HLCS: variants seen among roughly 807,000 people sequenced by gnomAD.
HLCS encodes the protein biotin--protein ligase.
HLCS carries 53 observed loss-of-function variants against 75.0 expected under a neutral mutation model. The ratio of observed to expected loss-of-function variants is 0.71; its 90% confidence interval spans 0.57 to 0.89. The LOEUF is 0.89. Ranked by LOEUF, HLCS falls within the 40% of genes least tolerant of loss-of-function variation. HLCS has a pLI of 0.00. For missense variants in HLCS, 966 were observed against 1,074.0 expected (o/e 0.90, Z 1.41); for synonymous variants, 431 against 428.6 (o/e 1.01, Z -0.07).
chr21:36,796,364 T>C (rs1680369178), intron 6 of HLCS, among the ~76,000 whole-genome samples: 1 of 152,206 alleles, frequency 6.6e-6, no homozygotes, highest in African/African-American at 2.4e-5. Flanking sequence ...ATTTTCTGAA[T>C]AGATGCAGAA....
At chr21:36,921,282 T>C (rs1308304901) in intron 5 of HLCS, among the ~76,000 whole-genome samples, 2 of 152,050 alleles carry the variant, frequency 1.3e-5, no homozygotes, top group Non-Finnish European at 2.9e-5. Context: ...CCGTCTCTAC[T>C]AAAAATACAA....
chr21:36,831,562 A>C (rs968418000), intron 6 of HLCS, among the ~76,000 whole-genome samples: 11 of 152,156 alleles, frequency 7.2e-5, no homozygotes, highest in African/African-American at 2.7e-4. Flanking sequence ...ATGCACCTGT[A>C]GTCCCAGCTA....
chr21:36,827,955 A>G (rs1035423395), intron 6 of HLCS, among the ~76,000 whole-genome samples: 4 of 151,702 alleles, frequency 2.6e-5, no homozygotes, highest in Non-Finnish European at 5.9e-5. Flanking sequence ...CTGGGACTAC[A>G]GGCTCCCGCC....
chr21:36,979,768 G>C (rs2069056193), intron 1 of HLCS, among the ~76,000 whole-genome samples: 1 of 151,832 alleles, frequency 6.6e-6, no homozygotes, highest in African/African-American at 2.4e-5. Context: ...TTAAAAATTA[G>C]CCAGGCGGCC....
At chr21:36,852,348 T>TGG (rs1569101898) in intron 6 of HLCS, among the ~76,000 whole-genome samples, 4 of 151,758 alleles carry the variant, frequency 2.6e-5, no homozygotes, top group African/African-American at 7.3e-5. Flanking sequence ...AACATTACCA[T>TGG]GGAGCCCCTC....
chr21:36,915,687 C>T (rs1316113996), intron 5 of HLCS, among the ~76,000 whole-genome samples: 1 of 151,976 alleles, frequency 6.6e-6, no homozygotes, highest in East Asian at 1.9e-4. Flanking sequence ...CAAAACAATT[C>T]CAACTTTTCC....
chr21:36,892,461 C>A (rs376223955), intron 6 of HLCS, among the ~76,000 whole-genome samples: 3 of 152,188 alleles, frequency 2.0e-5, no homozygotes, highest in African/African-American at 7.2e-5. Flanking sequence ...GCAGAGAGCT[C>A]GTCTGTTTCA....
intron 2 of HLCS, among the ~76,000 whole-genome samples, chr21:36,956,182 C>A (rs1328077952): frequency 2.0e-5 from 3 of 151,794 alleles, no homozygotes; most frequent in Non-Finnish European, 4.4e-5. Flanking sequence ...ACTTAAAAAT[C>A]TAAAAAGAAA....
chr21:36,986,224 G>A (rs2069226440), intron 1 of HLCS, among the ~76,000 whole-genome samples: 1 of 152,150 alleles, frequency 6.6e-6, no homozygotes, highest in Admixed American at 6.5e-5. Context: ...GATGCAGCCA[G>A]AAGGCCCTCA....
intron 8 of HLCS, among the ~76,000 whole-genome samples, chr21:36,763,687 C>T (rs1336428715): frequency 6.6e-6 from 1 of 152,178 alleles, no homozygotes; most frequent in African/African-American, 2.4e-5. Flanking sequence ...GACATAGGAG[C>T]TGCTGGGGGA....
intron 6 of HLCS, among the ~76,000 whole-genome samples, chr21:36,789,710 C>G (rs112938967): frequency 3.3e-5 from 5 of 152,230 alleles, no homozygotes; most frequent in African/African-American, 7.2e-5. Flanking sequence ...TGCCACCTTA[C>G]GCATTTTCTA....
intron 6 of HLCS, among the ~76,000 whole-genome samples, chr21:36,854,692 G>C (rs17284196): frequency 0.19 from 29,171 of 152,056 alleles, 3,156 homozygotes; most frequent in Middle Eastern, 0.33. Context: ...TTTTCTGGTT[G>C]TCATAATGAC....
At chr21:36,855,721 T>G (rs1451000468) in intron 6 of HLCS, among the ~76,000 whole-genome samples, 1 of 151,720 alleles carries the variant, frequency 6.6e-6, no homozygotes, top group Non-Finnish European at 1.5e-5. Flanking sequence ...GGACCACAGG[T>G]GCACGCCACC....
intron 6 of HLCS, among the ~76,000 whole-genome samples, chr21:36,823,328 C>T (rs1164599752): frequency 1.3e-5 from 2 of 152,200 alleles, no homozygotes; most frequent in Non-Finnish European, 2.9e-5. Flanking sequence ...TTTGCCGACA[C>T]ACCATCTTCT....
intron 6 of HLCS, among the ~76,000 whole-genome samples, chr21:36,840,914 C>T (rs1424163421): frequency 6.6e-6 from 1 of 151,854 alleles, no homozygotes; most frequent in Non-Finnish European, 1.5e-5. Context: ...CACCAGGCCA[C>T]AATATTGCTT....
At chr21:36,847,811 A>G (rs1475164945) in intron 6 of HLCS, among the ~76,000 whole-genome samples, 1 of 152,136 alleles carries the variant, frequency 6.6e-6, no homozygotes, top group Non-Finnish European at 1.5e-5. Context: ...ATAAGGGGAA[A>G]TTTCTCCCCT....
intron 6 of HLCS, among the ~76,000 whole-genome samples, chr21:36,852,670 AG>A (rs1601516273): frequency 6.6e-6 from 1 of 152,228 alleles, no homozygotes; most frequent in African/African-American, 2.4e-5. Flanking sequence ...CAGAAGGATC[AG>A]AGGACCAGAT....
intron 6 of HLCS, among the ~76,000 whole-genome samples, chr21:36,835,290 C>T (rs541592479): frequency 5.3e-5 from 8 of 152,280 alleles, no homozygotes; most frequent in East Asian, 1.9e-4. Flanking sequence ...CTTTTCAGTA[C>T]GAATATGCCT....
rs1321519021 is a variant in HLCS at position 36,753,974 on chromosome 21, G to GT, written c.*271dup. 4.2e-5 allele frequency: 22 copies of GT among 523,684 alleles called. No homozygotes were observed. The highest frequency in any genetic ancestry group is 2.5e-4 in the African/African-American group (13 of 52,476). The allele number at this position is 523,684 out of a possible 1,614,324, so 32.4% of individuals were successfully genotyped here. The stretch of plus-strand genomic sequence containing the variant: ...GTAAAAACTCCCCTTGACAATAAAC[G>GT]TAAGTCCAAGCCACAGAGGGGAGAG... On this transcript the variant is annotated 3_prime_UTR_variant, in exon 11 of 11. Transcript: ENST00000674895. This position sits in a 1 kb window ranked among gnomAD's most constrained non-coding sequence, Gnocchi z 4.3.
Sources: allele counts gnomAD v4.1 joint callset (sites outside exome capture counted in the v4.1 genomes callset), GRCh38; gene constraint gnomAD v4.1.1; non-coding constraint Gnocchi (gnomAD v3.1); transcripts MANE v1.5; gene names NCBI Gene and HGNC (gene_info 2026-07-23, HGNC 2026-07-21).